Variants in WIPF1 observed in about 807,000 individuals in gnomAD.
The protein encoded by WIPF1 is WAS/WASL-interacting protein family member 1.
WIPF1 carries 13 observed loss-of-function variants against 35.4 expected under a neutral mutation model. The observed-to-expected ratio is 0.37, with a 90% confidence interval of 0.24 to 0.58. WIPF1 has a LOEUF of 0.58. Ranked by LOEUF, WIPF1 falls within the 20% of genes least tolerant of loss-of-function variation. WIPF1 has a pLI of 0.74. For missense variants in WIPF1, 591 were observed against 667.0 expected (o/e 0.89, Z 1.25); for synonymous variants, 267 against 266.3 (o/e 1.00, Z -0.02).
At chr2:174,652,397 G>A (rs957876780) in intron 1 of WIPF1, among the ~76,000 whole-genome samples, 3 of 152,192 alleles carry the variant, frequency 2.0e-5, no homozygotes, top group Non-Finnish European at 4.4e-5. Context: ...ATCAGCTTCT[G>A]AATTGTGGGA....
chr2:174,670,694 G>C (rs2105985932), intron 1 of WIPF1, among the ~76,000 whole-genome samples: 1 of 152,328 alleles, frequency 6.6e-6, no homozygotes, highest in Middle Eastern at 3.4e-3. Context: ...TTGTTCCTTA[G>C]ACCAGGACTA....
In WIPF1 at chr2:174,572,351, C is replaced by T. The variant is rs751770775; in HGVS notation, c.454G>A (p.Val152Met). The change falls in exon 5 of 8, where the codon GTG becomes ATG. Residue 152 changes from valine to methionine, a missense_variant. Transcript: ENST00000679041. The stretch of plus-strand genomic sequence containing the variant: ...CCACTTCTGTGGCCTGGAGAAGGCA[C>T]AGGAAACCTCCCTGGGCCACTTGGG... ...SPPSGPGRFPVPSPGHRSGPP... is the reference protein window; with the variant it reads ...SPPSGPGRFPMPSPGHRSGPP... The T allele has an allele frequency of 4.3e-6, 7 of 1,613,964 alleles. No individual in the cohort carries two copies. The highest frequency in any genetic ancestry group is 5.9e-6 in the Non-Finnish European group (7 of 1,180,014).
intron 1 of WIPF1, 47 bp from the exon 2 acceptor site, chr2:174,585,658 T>A (rs1685393238): frequency 1.5e-6 from 2 of 1,350,930 alleles, no homozygotes; most frequent in African/African-American, 1.4e-5. Flanking sequence ...ATCTTAGTAA[T>A]ACTGTCCTAA....
rs547651417 is a variant in WIPF1 at position 174,566,836 on chromosome 2, C to T, written c.1456+234G>A. ...GTAAAATAATAAAATTTAATACTAG[C>T]AAACCACGGTATTTTGAGCTTGTAA... On this transcript the variant is annotated intron_variant, in intron 7 of 7. Transcript: ENST00000679041. 6.5e-4 allele frequency: 283 copies of T among 434,566 alleles called. 1 individual carries two copies. The highest frequency in any genetic ancestry group is 5.3e-3 in the African/African-American group (263 of 49,756). 26.9% of individuals were successfully genotyped at this position (434,566 alleles called of 1,614,324 possible). A position where few individuals can be genotyped will look rare whatever the true frequency, so the allele number is the denominator to read the frequency against.
chr2:174,593,766 A>G (rs1387910214), intron 1 of WIPF1, among the ~76,000 whole-genome samples: 1 of 152,214 alleles, frequency 6.6e-6, no homozygotes, highest in African/African-American at 2.4e-5. Context: ...TCACTGCAAC[A>G]GCTCTACCAT....
intron 1 of WIPF1, chr2:174,629,848 C>T (rs538586998): frequency 6.6e-6 from 1 of 152,264 alleles, no homozygotes; most frequent in African/African-American, 2.4e-5. Flanking sequence ...TCAAGGACGA[C>T]CAAATCTATC....
intron 1 of WIPF1, among the ~76,000 whole-genome samples, chr2:174,638,016 G>C (rs1305365075): frequency 6.6e-6 from 1 of 152,146 alleles, no homozygotes; most frequent in Non-Finnish European, 1.5e-5. Context: ...GGAGGAAATA[G>C]ATCAGTCAAT....
At chr2:174,628,288 C>A (rs984501534) in intron 1 of WIPF1, among the ~76,000 whole-genome samples, 1 of 152,154 alleles carries the variant, frequency 6.6e-6, no homozygotes, top group African/African-American at 2.4e-5. Context: ...GATGGCTAAC[C>A]CTTCTGAGGA....
chr2:174,670,109 C>T (rs1299470007), intron 1 of WIPF1, among the ~76,000 whole-genome samples: 2 of 152,122 alleles, frequency 1.3e-5, no homozygotes, highest in African/African-American at 4.8e-5. Flanking sequence ...GTCCAGCTCA[C>T]TGAGTTCCTG....
chr2:174,638,736 T>C (rs1687237299), intron 1 of WIPF1, among the ~76,000 whole-genome samples: 1 of 152,252 alleles, frequency 6.6e-6, no homozygotes, highest in Non-Finnish European at 1.5e-5. Context: ...AGTTTATTCA[T>C]TTTTATGCCT....
intron 1 of WIPF1, among the ~76,000 whole-genome samples, chr2:174,593,654 A>T (rs570118708): frequency 3.3e-5 from 5 of 152,372 alleles, no homozygotes; most frequent in African/African-American, 9.6e-5. Flanking sequence ...AAAAATGCTC[A>T]ACAGGAAAAT....
chr2:174,589,987 A>G (rs1464873349), intron 1 of WIPF1, among the ~76,000 whole-genome samples: 4 of 152,222 alleles, frequency 2.6e-5, no homozygotes, highest in Non-Finnish European at 5.9e-5. Context: ...TGGGTGGTCA[A>G]GGTGGGAGGA....
Position 174,575,356 on chromosome 2 carries a change from C to A in WIPF1, c.206G>T (p.Gly69Val), listed in dbSNP as rs1457444988. The change falls in exon 4 of 8, where the codon GGC becomes GTC. Residue 69 changes from glycine (G) to valine (V), a missense_variant. Gly to Val is a moderately radical substitution (Grantham distance 109). This residue lies in a region of WIPF1 where 471 missense variants were observed against 501.1 expected (regional missense o/e 0.94). Coordinates refer to ENST00000679041, the MANE Select transcript of WIPF1 (RefSeq NM_001375834.1). Reference sequence around the variant, plus strand: ...GCCTCCACCAAAGCCACCACCACCGCCTCCAGCACCAGCTCCTTTAGGTTC... The same window carrying A: ...GCCTCCACCAAAGCCACCACCACCGACTCCAGCACCAGCTCCTTTAGGTTC... ...LDKPKGAGAG[G>V]GGGGFGGGGG... is the part of the protein sequence containing the mutation. 4 of 1,612,582 alleles carry A rather than the reference C, an allele frequency of 2.5e-6. No homozygotes were observed. The highest frequency in any genetic ancestry group is 3.4e-6 in the Non-Finnish European group (4 of 1,179,336).
At chr2:174,587,191 T>A (rs1369026715) in intron 1 of WIPF1, among the ~76,000 whole-genome samples, 1 of 151,998 alleles carries the variant, frequency 6.6e-6, no homozygotes, top group Non-Finnish European at 1.5e-5. Flanking sequence ...TTTTTATCTT[T>A]TATTTTTGTT....
intron 7 of WIPF1, among the ~76,000 whole-genome samples, chr2:174,564,899 CTT>C (rs112201736): frequency 5.7e-5 from 8 of 140,874 alleles, no homozygotes; most frequent in Non-Finnish European, 6.2e-5. Context: ...TTCACTAACA[CTT>C]TTTTTTTTTT....
chr2:174,615,789 G>A (rs552366583), intron 1 of WIPF1, among the ~76,000 whole-genome samples: 2 of 152,284 alleles, frequency 1.3e-5, no homozygotes, highest in Non-Finnish European at 2.9e-5. Flanking sequence ...GGTCATCGGA[G>A]GACATTATTT....
In WIPF1 at chr2:174,571,942, T is replaced by TGAGGAG; in HGVS notation, c.857_862dup (p.Pro286_Pro287dup). 6.3e-7 allele frequency: 1 copy of TGAGGAG among 1,589,418 alleles called. No individual in the cohort carries two copies. On this transcript the variant is annotated inframe_insertion, in exon 5 of 8. Transcript: ENST00000679041. The surrounding 1 kb of genome is among the most constrained non-coding windows in gnomAD (Gnocchi z 4.6). Reference sequence around the variant, plus strand: ...GGAAGGCACTGGAGGCTTGTTGTTCTGAGGAGGAGGAGGGGGAACCGCTTC... The same window carrying TGAGGAG: ...GGAAGGCACTGGAGGCTTGTTGTTCTGAGGAGGAGGAGGAGGAGGGGGAACCGCTTC...
chr2:174,633,031 A>G (rs1687075675), intron 1 of WIPF1, among the ~76,000 whole-genome samples: 1 of 152,184 alleles, frequency 6.6e-6, no homozygotes, highest in African/African-American at 2.4e-5. Context: ...CCAACCAGTG[A>G]TAAATCCAAT....
chr2:174,633,713 C>T (rs759095665), intron 1 of WIPF1, among the ~76,000 whole-genome samples: 2 of 152,216 alleles, frequency 1.3e-5, no homozygotes, highest in African/African-American at 2.4e-5. Flanking sequence ...ACCCTCTAGC[C>T]GTCTTTCTGG....
Sources: allele counts gnomAD v4.1 joint callset (sites outside exome capture counted in the v4.1 genomes callset), GRCh38; gene constraint gnomAD v4.1.1; regional missense constraint gnomAD v4.1.1; non-coding constraint Gnocchi (gnomAD v3.1); transcripts MANE v1.5; gene names NCBI Gene and HGNC (gene_info 2026-07-23, HGNC 2026-07-21).